MYH6: variants seen among roughly 807,000 people sequenced by gnomAD.
MYH6 encodes myosin-6.
Under a neutral mutation model 223.2 loss-of-function variants are expected in MYH6, and 126 were observed. The ratio of observed to expected loss-of-function variants is 0.56; its 90% CI spans 0.49 to 0.65. The LOEUF (loss-of-function observed/expected upper bound fraction) is 0.65. MYH6 is among the 30% of genes least tolerant of loss of function. The pLI, the probability that MYH6 is intolerant of heterozygous loss-of-function variation, is 0.00. For missense variants in MYH6, 2,040 were observed against 2,536.4 expected (o/e 0.80, Z 4.20); for synonymous variants, 978 against 1,010.2 (o/e 0.97, Z 0.61).
At chr14:23,400,660 T>C (rs1197839623) in intron 13 of MYH6, 49 bp downstream of exon 13, 14 of 1,613,776 alleles carry the variant, frequency 8.7e-6, no homozygotes, top group East Asian at 2.2e-5. Context: ...CTGTTGAATG[T>C]AGGAGCAAGC....
intron 16 of MYH6, 133 bp downstream of exon 16, chr14:23,397,410 C>T: frequency 7.8e-7 from 1 of 1,284,400 alleles, no homozygotes; most frequent in Non-Finnish European, 1.1e-6. Flanking sequence ...GTGGAATCTA[C>T]ACACTAAAAA....
At chr14:23,391,996 C>A (rs1050003049) in intron 25 of MYH6, among the ~76,000 whole-genome samples, 2 of 152,132 alleles carry the variant, frequency 1.3e-5, no homozygotes, top group African/African-American at 4.8e-5. Context: ...AATACATTAT[C>A]CCCTCTGGTC....
intron 19 of MYH6, 125 bp downstream of exon 19, chr14:23,396,569 T>G: frequency 6.3e-7 from 1 of 1,585,346 alleles, no homozygotes; most frequent in Non-Finnish European, 8.6e-7. Flanking sequence ...GAATGAAGCC[T>G]GGGTTTCAGC....
chr14:23,405,025 T>G lies in MYH6; in HGVS notation c.530+75A>C. 6.2e-7 allele frequency: 1 copy of G among 1,607,332 alleles called. No individual in the cohort carries two copies. The highest frequency in any genetic ancestry group is 8.5e-7 in the Non-Finnish European group (1 of 1,174,218). ...TGCAATCCCAGCCTTAAACCTCTCC[T>G]CCCAACTACACCCTAGGCATCAGCG... On this transcript the variant is annotated intron_variant, in intron 6 of 38. Coordinates refer to ENST00000405093, the MANE Select transcript of MYH6 (RefSeq NM_002471.4). The surrounding 1 kb of genome is among the most constrained non-coding windows in gnomAD (Gnocchi z 4.7).
rs745523742 is a variant in MYH6, at chr14:23,396,692, A to G, written c.2292+2T>C. 5 of 1,613,938 alleles carry G rather than the reference A, an allele frequency of 3.1e-6. No homozygotes were observed. Among genetic ancestry groups the G allele is most frequent in the Middle Eastern group, 1.7e-4 (1 of 6,056 alleles). ...AACCACCCAGTGGGGCTCTAGACTC[A>G]CCTTGGTGTGGCCAAACTTGTACTG... On this transcript the variant is annotated splice_donor_variant, in intron 19 of 38. Transcript: ENST00000405093. LOFTEE classifies it high-confidence loss of function.
rs775631317 is a variant in MYH6, at chr14:23,382,527, G to T, written c.5697C>A (p.Arg1899=). The change falls in exon 38 of 39, where the codon CGC becomes CGA. Residue 1899 remains arginine (R), a synonymous_variant. Transcript: ENST00000405093. ...EQANTNLSKF[R]KVQHELDEAE... ...CCTCATCCAGCTCATGCTGCACCTT[G>T]CGGAACTTGGACAGGTTGGTGTTGG... The T allele has an allele frequency of 6.2e-7, 1 of 1,614,130 alleles. No individual in the cohort carries two copies. Among genetic ancestry groups the T allele is most frequent in the Admixed American group, 1.7e-5 (1 of 60,012 alleles).
chr14:23,383,339 G>GGGGGCCCCCCCC lies in MYH6; in HGVS notation c.5566-20_5566-19insGGGGGGGGCCCC. 2 of 108,168 alleles carry GGGGGCCCCCCCC rather than the reference G, an allele frequency of 1.8e-5. No homozygotes were observed. The highest frequency in any genetic ancestry group is 3.7e-5 in the Non-Finnish European group (2 of 54,366). 6.7% of individuals were successfully genotyped at this position (108,168 alleles called of 1,614,324 possible). A position where few individuals can be genotyped will look rare whatever the true frequency, so the allele number is the denominator to read the frequency against. On this transcript the variant is annotated intron_variant, in intron 36 of 38. Coordinates refer to ENST00000405093, the MANE Select transcript of MYH6 (RefSeq NM_002471.4). ...CCTCTGTCTGGGGGTGGGAGGGTGG[G>GGGGGCCCCCCCC]AGAAGCTGGTTTGGAGGGGGAGCAA...
At position 23,398,728 on chromosome 14, in the gene MYH6, C is replaced by T. The variant is rs777553713; in HGVS notation, c.1891G>A (p.Gly631Arg). 1.2e-6 allele frequency: 2 copies of T among 1,614,148 alleles called. No homozygotes were observed. The highest frequency in any genetic ancestry group is 1.7e-6 in the Non-Finnish European group (2 of 1,180,012). ...LFSSYATADT[G>R]DSGKSKGGKK... The stretch of plus-strand genomic sequence containing the variant: ...CCCAGTGCAGGGGCTGCCTGCTTAC[C>T]AGTATCGGCAGTTGCGTAGGAGGAG... The change falls in exon 15 of 39, where the codon GGG (glycine) becomes AGG (arginine). Residue 631 changes from glycine to arginine, a missense_variant and splice_region_variant. Physicochemically the swap from Gly to Arg is moderately radical, Grantham distance 125. Transcript: ENST00000405093.
rs1381595537 is a variant in MYH6 at position 23,387,776 on chromosome 14, C to T, written c.4507G>A (p.Glu1503Lys). The T allele has an allele frequency of 1.9e-6, 3 of 1,614,100 alleles. No homozygotes were observed. The Admixed American group carries it at 5.0e-5, about 27-fold the overall frequency. ...AGCACACCCTGAAGGTTCTTGTTCT[C>T]CCGCTTGAAGGTCTCTAGGTGCTCC... ...SLEHLETFKR[E>K]NKNLQEEISD... The change falls in exon 31 of 39, where the codon GAG becomes AAG. Residue 1503 changes from glutamate to lysine, a missense_variant. Transcript: ENST00000405093.
At position 23,390,385 on chromosome 14, in the gene MYH6, T is replaced by A. The variant is rs1046030804; in HGVS notation, c.3404A>T (p.Glu1135Val). The A allele has an allele frequency of 1.9e-6, 3 of 1,607,362 alleles. No homozygotes were observed. Among genetic ancestry groups the A allele is most frequent in the African/African-American group, 2.7e-5 (2 of 74,514 alleles). The change falls in exon 26 of 39, where the codon GAG (glutamate) becomes GTG (valine). Residue 1135 changes from glutamate (E) to valine (V), a missense_variant. By Grantham distance (121) the Glu-to-Val change is moderately radical. This residue lies in a region of MYH6 where 1,203 missense variants were observed against 1,400.2 expected (regional missense o/e 0.86). Coordinates refer to ENST00000405093, the MANE Select transcript of MYH6 (RefSeq NM_002471.4). ...CCGAGACAGGTCTGAGCGCAGCTTC[T>A]CCACCTTAGCCCTGGCGGTGCGCTC... ...EAERTARAKV[E>V]KLRSDLSREL...
rs767212380 is a variant in MYH6, at chr14:23,397,098, G to C, written c.2051-18C>G. ...CATCACCCCTGTGTCAGGAGGGAAG[G>C]GGAAAGGGTCAGCCTTAGGGTAAAG... On this transcript the variant is annotated intron_variant, in intron 17 of 38. Coordinates refer to ENST00000405093, the MANE Select transcript of MYH6 (RefSeq NM_002471.4). The C allele has an allele frequency of 6.2e-7, 1 of 1,614,244 alleles. No individual in the cohort carries two copies. The highest frequency in any genetic ancestry group is 1.1e-5 in the South Asian group (1 of 91,088).
chr14:23,396,839 G>A, intron 18 of MYH6, 22 bp from the exon 19 acceptor site: 1 of 1,613,864 alleles, frequency 6.2e-7, no homozygotes, highest in Non-Finnish European at 8.5e-7. Flanking sequence ...AGTGTCCAGA[G>A]TCACCCATGC....
Position 23,407,714 on chromosome 14 carries a change from C to T in MYH6, c.-46-106G>A. 1 of 844,106 alleles carries T rather than the reference C, an allele frequency of 1.2e-6. No homozygotes were observed. The highest frequency in any genetic ancestry group is 1.5e-6 in the Non-Finnish European group (1 of 680,244). The allele number at this position is 844,106 out of a possible 1,614,324, so 52.3% of individuals were successfully genotyped here. A position where few individuals can be genotyped will look rare whatever the true frequency, so the allele number is the denominator to read the frequency against. On this transcript the variant is annotated intron_variant, in intron 1 of 38. Transcript: ENST00000405093. This position sits in a 1 kb window ranked among gnomAD's most constrained non-coding sequence, Gnocchi z 5.6. ...GAGGCAGGCCACCCGGGGATGGAGG[C>T]AGCCCCAGAGCGCAGACAGGCAGGA... is the stretch of plus-strand genomic sequence containing the variant.
chr14:23,406,912 C>T, intron 3 of MYH6, 111 bp downstream of exon 3: 1 of 1,195,662 alleles, frequency 8.4e-7, no homozygotes, highest in Non-Finnish European at 1.2e-6. Flanking sequence ...GGCATCCCCA[C>T]TGGCCTTGGC....
In MYH6 at chr14:23,405,399, T is replaced by C; in HGVS notation, c.346-20A>G. On this transcript the variant is annotated intron_variant, in intron 4 of 38. Coordinates refer to ENST00000405093, the MANE Select transcript of MYH6 (RefSeq NM_002471.4). This position sits in a 1 kb window ranked among gnomAD's most constrained non-coding sequence, Gnocchi z 4.7. Reference sequence around the variant, plus strand: ...GTAGGTCTGGAGCAGGAGACAAGGCTGGGCATGAGGTTGGTGGGGAGAGCC... The same window carrying C: ...GTAGGTCTGGAGCAGGAGACAAGGCCGGGCATGAGGTTGGTGGGGAGAGCC... The C allele has an allele frequency of 6.2e-7, 1 of 1,614,046 alleles. No individual in the cohort carries two copies. Among genetic ancestry groups the C allele is most frequent in the Non-Finnish European group, 8.5e-7 (1 of 1,179,940 alleles).
At position 23,407,161 on chromosome 14, in the gene MYH6, C is replaced by T; in HGVS notation, c.63G>A (p.Lys21=). The change falls in exon 3 of 39, where the codon AAG becomes AAA. Residue 21 remains lysine (K), a synonymous_variant. Coordinates refer to ENST00000405093, the MANE Select transcript of MYH6 (RefSeq NM_002471.4). This position sits in a 1 kb window ranked among gnomAD's most constrained non-coding sequence, Gnocchi z 5.6. ...AAAQYLRKSE[K]ERLEAQTRPF... is the part of the protein sequence containing the mutation. ...GCCGGGTCTGGGCCTCTAGACGCTC[C>T]TTCTCTGACTTGCGGAGGTACTGGG... 2 of 1,614,278 alleles carry T rather than the reference C, an allele frequency of 1.2e-6. No homozygotes were observed. Among genetic ancestry groups the T allele is most frequent in the Admixed American group, 1.7e-5 (1 of 60,030 alleles).
Position 23,389,457 on chromosome 14 carries a change from C to G in MYH6, c.3914G>C (p.Arg1305Pro). Residue 1305 changes from arginine to proline, a missense_variant, in exon 28 of 39, where the codon CGG becomes CCG. Around this residue, in one of 4 missense-constraint regions of MYH6, gnomAD observed 1,203 missense variants for 1,400.2 expected, o/e 0.86. Transcript: ENST00000405093. ...TTGCTGGGTATAAGAGAGCTTCCCCCGGGTCAGCTGCGAGATTAGCGCCTC... is the reference window on the plus strand; with the variant it reads ...TTGCTGGGTATAAGAGAGCTTCCCCGGGGTCAGCTGCGAGATTAGCGCCTC... ...EKEALISQLT[R>P]GKLSYTQQME... 6.2e-7 allele frequency: 1 copy of G among 1,614,172 alleles called. No homozygotes were observed. The highest frequency in any genetic ancestry group is 8.5e-7 in the Non-Finnish European group (1 of 1,180,038).
rs754654593 is a variant in MYH6 at position 23,397,017 on chromosome 14, C to T, written c.2114G>A (p.Arg705His). Residue 705 changes from arginine to histidine, a missense_variant, in exon 18 of 39, where the codon CGC becomes CAC. By Grantham distance (29) the Arg-to-His change is conservative. Coordinates refer to ENST00000405093, the MANE Select transcript of MYH6 (RefSeq NM_002471.4). ...LRCNGVLEGI[R>H]ICRKGFPNRI... is the part of the protein sequence containing the mutation. ...GTTGGGGAAGCCCTTCCTGCAGATG[C>T]GGATGCCCTCCAGCACGCCATTGCA... 4.3e-6 allele frequency: 7 copies of T among 1,613,946 alleles called. No homozygotes were observed. The highest frequency in any genetic ancestry group is 1.1e-5 in the South Asian group (1 of 91,066).
rs765338504 is a variant in MYH6, at chr14:23,398,830, T to C, written c.1789A>G (p.Lys597Glu). The change falls in exon 15 of 39, where the codon AAA becomes GAA. Residue 597 changes from lysine (K) to glutamate (E), a missense_variant. This residue lies in a region of MYH6 where 649 missense variants were observed against 877.3 expected (regional missense o/e 0.74). Coordinates refer to ENST00000405093, the MANE Select transcript of MYH6 (RefSeq NM_002471.4). ...VDYNILGWLEKNKDPLNETVV... is the reference protein window; with the variant it reads ...VDYNILGWLEENKDPLNETVV... ...GTCTCGTTGAGAGGATCCTTGTTTT[T>C]TTCCAGCCAGCCCAGGATGTTGTAG... is the stretch of plus-strand genomic sequence containing the variant. The C allele has an allele frequency of 6.2e-7, 1 of 1,614,194 alleles. No homozygotes were observed. Among genetic ancestry groups the C allele is most frequent in the Admixed American group, 1.7e-5 (1 of 60,030 alleles).
Sources: gnomAD v4.1 joint callset for allele counts (sites outside exome capture counted in the v4.1 genomes callset) on GRCh38, gnomAD v4.1.1 for gene constraint, gnomAD v4.1.1 regional missense constraint, Gnocchi (gnomAD v3.1) non-coding constraint, MANE v1.5 for transcripts, NCBI Gene and HGNC (gene_info 2026-07-23, HGNC 2026-07-21) for gene names.